Variants in MCTP1 observed in about 807,000 individuals in gnomAD.
The protein encoded by MCTP1 is multiple C2 and transmembrane domain containing 1.
MCTP1 carries 69 observed loss-of-function variants against 120.6 expected under a neutral mutation model. The ratio of observed to expected loss-of-function variants is 0.57; its 90% CI spans 0.47 to 0.70. The LOEUF is 0.70. Ranked by LOEUF, MCTP1 falls within the 30% of genes least tolerant of loss-of-function variation. The probability of loss-of-function intolerance (pLI) is 0.00; values close to 1 mark genes in which losing one functional copy is unlikely to be tolerated. For synonymous variants in MCTP1, 529 were observed against 493.1 expected, an observed-to-expected ratio of 1.07 and a Z score of -0.96; for missense variants, 1,203 against 1,248.8, an observed-to-expected ratio of 0.96 and a Z score of 0.55.
intron 6 of MCTP1, chr5:94,931,590 C>A (rs1024195849): frequency 1.1e-5 from 2 of 187,280 alleles, no homozygotes; most frequent in Admixed American, 1.2e-4. Context: ...TTCTGTGACC[C>A]CCCAAAATAA....
At chr5:94,951,443 C>T (rs1820554305) in intron 3 of MCTP1, among the ~76,000 whole-genome samples, 1 of 152,130 alleles carries the variant, frequency 6.6e-6, no homozygotes. Flanking sequence ...AGTAATATCC[C>T]ACTAAGTAGA....
chr5:95,089,603 T>C (rs1755694544), intron 1 of MCTP1, among the ~76,000 whole-genome samples: 1 of 152,228 alleles, frequency 6.6e-6, no homozygotes, highest in Admixed American at 6.5e-5. Context: ...CAGTGGTTTC[T>C]ATACTACTTA....
chr5:94,795,170 C>T (rs964468598), intron 18 of MCTP1, among the ~76,000 whole-genome samples: 11 of 134,162 alleles, frequency 8.2e-5, no homozygotes, highest in Admixed American at 3.6e-4. Context: ...ACTTGATTCT[C>T]TTTTCTCAAG....
intron 18 of MCTP1, among the ~76,000 whole-genome samples, chr5:94,782,023 C>T (rs941790443): frequency 2.0e-5 from 3 of 152,014 alleles, no homozygotes; most frequent in African/African-American, 4.8e-5. Flanking sequence ...AAGCTGCTTC[C>T]GAACATACCC....
intron 17 of MCTP1, chr5:94,826,155 A>C: frequency 2.7e-6 from 1 of 369,890 alleles, no homozygotes; most frequent in Non-Finnish European, 5.3e-6. Flanking sequence ...ATGATGCCAT[A>C]TTTACCAAGA....
chr5:94,819,288 C>T (rs1221476390), intron 17 of MCTP1, among the ~76,000 whole-genome samples: 1 of 151,986 alleles, frequency 6.6e-6, no homozygotes, highest in African/African-American at 2.4e-5. Flanking sequence ...TGCCACCACA[C>T]ATGGCTACTT....
intron 1 of MCTP1, among the ~76,000 whole-genome samples, chr5:95,195,023 G>T (rs1750225905): frequency 6.6e-6 from 1 of 152,208 alleles, no homozygotes; most frequent in African/African-American, 2.4e-5. Context: ...GGCACCACCA[G>T]GAGGAATACT....
chr5:94,975,091 G>A (rs1267410661), intron 2 of MCTP1, among the ~76,000 whole-genome samples: 1 of 151,924 alleles, frequency 6.6e-6, no homozygotes, highest in Non-Finnish European at 1.5e-5. Flanking sequence ...ATTTTAGAAT[G>A]GATCAGGGAA....
chr5:94,742,238 A>G (rs907890082), intron 19 of MCTP1, among the ~76,000 whole-genome samples: 1 of 152,212 alleles, frequency 6.6e-6, no homozygotes, highest in Admixed American at 6.5e-5. Flanking sequence ...TTTTTCTTAT[A>G]GAGATGCGGT....
intron 1 of MCTP1, among the ~76,000 whole-genome samples, chr5:95,230,835 C>A (rs1251154259): frequency 6.6e-6 from 1 of 152,250 alleles, no homozygotes; most frequent in African/African-American, 2.4e-5. Flanking sequence ...TCCCCACACA[C>A]CTTTTTTTTA....
chr5:94,959,315 T>C (rs1007633771), intron 2 of MCTP1, among the ~76,000 whole-genome samples: 2 of 152,136 alleles, frequency 1.3e-5, no homozygotes, highest in South Asian at 2.1e-4. Context: ...GCCAATATCA[T>C]ACTGAATGGG....
At chr5:94,971,296 T>C (rs1826806081) in intron 2 of MCTP1, among the ~76,000 whole-genome samples, 1 of 152,140 alleles carries the variant, frequency 6.6e-6, no homozygotes, top group Non-Finnish European at 1.5e-5. Flanking sequence ...GTTTCATTAA[T>C]ATACTTAAAG....
At chr5:94,950,403 C>G (rs775216493) in intron 3 of MCTP1, among the ~76,000 whole-genome samples, 7 of 151,982 alleles carry the variant, frequency 4.6e-5, no homozygotes, top group Middle Eastern at 3.2e-3. Context: ...AACCCAACAA[C>G]CTTTGGGCTT....
chr5:94,889,765 C>A (rs1802148297), intron 11 of MCTP1, among the ~76,000 whole-genome samples: 1 of 151,602 alleles, frequency 6.6e-6, no homozygotes, highest in Non-Finnish European at 1.5e-5. Context: ...CACACACACA[C>A]ACACACACAC....
chr5:94,786,064 AAAC>A (rs961153205), intron 18 of MCTP1, among the ~76,000 whole-genome samples: 3 of 152,154 alleles, frequency 2.0e-5, no homozygotes, highest in South Asian at 2.1e-4. Context: ...TATACTTTGA[AAAC>A]AACAACAACA....
intron 2 of MCTP1, among the ~76,000 whole-genome samples, chr5:94,954,088 A>G (rs1343966249): frequency 2.0e-5 from 2 of 101,334 alleles, no homozygotes; most frequent in African/African-American, 8.3e-5. Context: ...ACAAATATAT[A>G]TGTGCATATA....
In MCTP1 at chr5:95,071,958, G is replaced by A. The variant is rs1246557552; in HGVS notation, c.721-54474C>T. On this transcript the variant is annotated intron_variant, in intron 1 of 22. Coordinates refer to ENST00000515393, the MANE Select transcript of MCTP1 (RefSeq NM_024717.7). The stretch of plus-strand genomic sequence containing the variant: ...ATATACATGTAAAAGTCCATCTAGA[G>A]GAATTTTAATAGATCCATGAGAAAA... 2.0e-5 allele frequency among the ~76,000 whole-genome samples: 3 copies of A among 152,110 alleles called. No individual in the cohort carries two copies. The East Asian group carries it at 5.8e-4, about 29-fold the overall frequency.
chr5:94,947,575 TATAGAGAGAGAGAGAGAGAGAG>T lies in MCTP1; in HGVS notation c.982-5170_982-5149del, dbSNP rs1165499869. On this transcript the variant is annotated intron_variant, in intron 3 of 22. Coordinates refer to ENST00000515393, the MANE Select transcript of MCTP1 (RefSeq NM_024717.7). ...TACTAAATATATATATATATATATA[TATAGAGAGAGAGAGAGAGAGAG>T]AGAGAGAGAGAGAGAGAGAGAGAGA... 8.4e-5 allele frequency among the ~76,000 whole-genome samples: 4 copies of T among 47,424 alleles called. 1 individual carries two copies. The highest frequency in any genetic ancestry group is 2.0e-4 in the African/African-American group (2 of 9,948). 31.1% of individuals were successfully genotyped at this position (47,424 alleles called of 152,430 possible). A position where few individuals can be genotyped will look rare whatever the true frequency, so the allele number is the denominator to read the frequency against.
At chr5:95,283,826 C>A in intron 1 of MCTP1, 30 bp downstream of exon 1, 1 of 1,253,076 alleles carries the variant, frequency 8.0e-7, no homozygotes, top group South Asian at 2.2e-5. Context: ...TCCCGCGCAC[C>A]TTGTCTCCGG....
Sources: allele counts gnomAD v4.1 joint callset (sites outside exome capture counted in the v4.1 genomes callset), GRCh38; gene constraint gnomAD v4.1.1; transcripts MANE v1.5; gene names NCBI Gene and HGNC (gene_info 2026-07-23, HGNC 2026-07-21).